PARD3: variants seen among roughly 807,000 people sequenced by gnomAD.
PARD3 encodes partitioning defective 3 homolog.
In PARD3, 75 loss-of-function variants were observed where a neutral mutation model predicts 155.4. The ratio of observed to expected loss-of-function variants is 0.48; its 90% CI spans 0.40 to 0.58. PARD3 has a LOEUF of 0.58. Ranked by LOEUF, PARD3 falls within the 20% of genes least tolerant of loss-of-function variation. The pLI, the probability that PARD3 is intolerant of heterozygous loss-of-function variation, is 0.00. For synonymous variants in PARD3, 576 were observed against 610.5 expected (o/e 0.94, Z 0.83); for missense variants, 1,642 against 1,721.7 (o/e 0.95, Z 0.82).
chr10:34,382,040 C>T (rs1268922230), intron 9 of PARD3, among the ~76,000 whole-genome samples: 3 of 151,770 alleles, frequency 2.0e-5, no homozygotes, highest in Non-Finnish European at 4.4e-5. Context: ...GGCCTGGCTT[C>T]TCAGCAACCT....
chr10:34,756,939 C>G (rs768564402), intron 1 of PARD3, among the ~76,000 whole-genome samples: 7 of 152,168 alleles, frequency 4.6e-5, no homozygotes, highest in Non-Finnish European at 1.0e-4. Flanking sequence ...ATCTTAGTTT[C>G]AAATTTTAGA....
intron 2 of PARD3, among the ~76,000 whole-genome samples, chr10:34,594,746 A>C (rs2089084725): frequency 6.6e-6 from 1 of 152,182 alleles, no homozygotes; most frequent in African/African-American, 2.4e-5. Context: ...TGAGAGGATC[A>C]CTTGTGCCCA....
intron 1 of PARD3, among the ~76,000 whole-genome samples, chr10:34,805,084 G>A (rs959978943): frequency 2.0e-5 from 3 of 152,234 alleles, no homozygotes; most frequent in Middle Eastern, 3.2e-3. Flanking sequence ...AAGGCTGGGC[G>A]CGGTGGCTCA....
At chr10:34,562,670 G>A (rs746683886) in intron 2 of PARD3, among the ~76,000 whole-genome samples, 1 of 152,072 alleles carries the variant, frequency 6.6e-6, no homozygotes, top group Non-Finnish European at 1.5e-5. Context: ...AAAACATAGT[G>A]TCAACCAAAT....
chr10:34,349,580 T>TAAAAAAAAAAAAAAAAAAAAAAAAAA, intron 14 of PARD3, among the ~76,000 whole-genome samples: 4 of 44,708 alleles, frequency 8.9e-5, no homozygotes, highest in African/African-American at 3.4e-4. Flanking sequence ...TCTGGGAAAG[T>TAAAAAAAAAAAAAAAAAAAAAAAAAA]AAAAAAAAAA....
At chr10:34,684,218 C>T (rs774992663) in intron 2 of PARD3, among the ~76,000 whole-genome samples, 3 of 152,114 alleles carry the variant, frequency 2.0e-5, no homozygotes, top group East Asian at 1.9e-4. Context: ...ACAGTGAAAA[C>T]GAAAACAAAA....
chr10:34,175,367 A>G (rs115082117), intron 22 of PARD3, among the ~76,000 whole-genome samples: 32 of 152,314 alleles, frequency 2.1e-4, no homozygotes, highest in African/African-American at 7.7e-4. Flanking sequence ...GTGTGTGTAC[A>G]TGTGTGTGCT....
chr10:34,422,660 G>A (rs773936), intron 5 of PARD3, among the ~76,000 whole-genome samples: 108,281 of 152,026 alleles, frequency 0.71, 39,276 homozygotes, highest in African/African-American at 0.85. Flanking sequence ...AGACATACAA[G>A]TAGCCAACAG....
At chr10:34,552,551 T>C (rs1247430376) in intron 2 of PARD3, among the ~76,000 whole-genome samples, 1 of 152,050 alleles carries the variant, frequency 6.6e-6, no homozygotes, top group Non-Finnish European at 1.5e-5. Flanking sequence ...CTACTAAAAA[T>C]AAGAAAAGAA....
intron 2 of PARD3, among the ~76,000 whole-genome samples, chr10:34,573,784 CAGAG>C (rs1439840303): frequency 7.6e-6 from 1 of 132,278 alleles, no homozygotes; most frequent in Non-Finnish European, 1.5e-5. Context: ...CACACACACA[CAGAG>C]AATCAGCCTC....
At position 34,348,066 on chromosome 10, in the gene PARD3, G is replaced by A. The variant is rs768317108; in HGVS notation, c.2117C>T (p.Ala706Val). ...AATTCTTCGTTCTCTATCATCCAAC[G>A]CTGTTTCAATGGGCAGCTCAGGTCC... is the stretch of plus-strand genomic sequence containing the variant. The part of the protein sequence containing the change: ...PPGPELPIET[A>V]LDDRERRISH... Residue 706 changes from alanine to valine, a missense_variant, in exon 15 of 25, where the codon GCG (alanine) becomes GTG (valine). By Grantham distance (64) the Ala-to-Val change is moderately conservative (BLOSUM62 0). Around this residue, in one of 3 missense-constraint regions of PARD3, gnomAD observed 1,529 missense variants for 1,587.3 expected, o/e 0.96. Transcript: ENST00000374788. 1.5e-5 allele frequency: 24 copies of A among 1,612,558 alleles called. No homozygotes were observed. In the Admixed American group the frequency reaches 3.3e-4, roughly 22 times the overall value.
chr10:34,345,063 T>A (rs1215786106), intron 15 of PARD3: 1 of 983,302 alleles, frequency 1.0e-6, no homozygotes. Flanking sequence ...CTTACAGATG[T>A]AGATAATTAT....
intron 22 of PARD3, among the ~76,000 whole-genome samples, chr10:34,220,703 T>C (rs1415302447): frequency 6.6e-6 from 1 of 152,218 alleles, no homozygotes; most frequent in Non-Finnish European, 1.5e-5. Context: ...GCTTAGGTCC[T>C]AGTTGGGAAG....
At chr10:34,286,955 G>A (rs1010377638) in intron 20 of PARD3, among the ~76,000 whole-genome samples, 1 of 152,168 alleles carries the variant, frequency 6.6e-6, no homozygotes, top group Non-Finnish European at 1.5e-5. Flanking sequence ...TAGGGAAAGA[G>A]AGTCACTGAT....
chr10:34,250,982 A>C (rs1455833135), intron 22 of PARD3, among the ~76,000 whole-genome samples: 1 of 152,204 alleles, frequency 6.6e-6, no homozygotes, highest in African/African-American at 2.4e-5. Flanking sequence ...CACGATCTTC[A>C]ATCACATCCT....
At chr10:34,497,009 C>A (rs1291698037) in intron 3 of PARD3, among the ~76,000 whole-genome samples, 1 of 152,072 alleles carries the variant, frequency 6.6e-6, no homozygotes, top group Non-Finnish European at 1.5e-5. Context: ...ATAGATGCAG[C>A]AAGACTAGCC....
chr10:34,210,405 T>C (rs895779632), intron 22 of PARD3, among the ~76,000 whole-genome samples: 3 of 152,204 alleles, frequency 2.0e-5, no homozygotes, highest in Non-Finnish European at 4.4e-5. Flanking sequence ...CGTGTGGATG[T>C]TGGTTGAGAC....
At chr10:34,177,364 C>T (rs1215200068) in intron 22 of PARD3, among the ~76,000 whole-genome samples, 1 of 151,890 alleles carries the variant, frequency 6.6e-6, no homozygotes, top group Non-Finnish European at 1.5e-5. Flanking sequence ...CCATTGGGAG[C>T]AAAACTCTTT....
chr10:34,484,282 A>G (rs1004512312), intron 3 of PARD3, among the ~76,000 whole-genome samples: 3 of 152,242 alleles, frequency 2.0e-5, no homozygotes, highest in Non-Finnish European at 4.4e-5. Flanking sequence ...TTTAGGAGCT[A>G]CAAATAAATT....
Sources: gnomAD v4.1 joint callset for allele counts (sites outside exome capture counted in the v4.1 genomes callset) on GRCh38, gnomAD v4.1.1 for gene constraint, gnomAD v4.1.1 regional missense constraint, MANE v1.5 for transcripts, NCBI Gene and HGNC (gene_info 2026-07-23, HGNC 2026-07-21) for gene names.